The following PEBP4 variants were observed in gnomAD, a reference collection of about 807,000 sequenced individuals.
PEBP4 encodes the protein phosphatidylethanolamine-binding protein 4.
In PEBP4, 22 loss-of-function variants were observed where a neutral mutation model predicts 23.9. The ratio of observed to expected loss-of-function variants is 0.92; its 90% CI spans 0.66 to 1.31. The LOEUF is 1.31. Among genes scored for constraint, PEBP4 ranks in the 40% most tolerant of loss-of-function variants. The probability of loss-of-function intolerance (pLI) is 0.00; values close to 1 mark genes in which losing one functional copy is unlikely to be tolerated. For synonymous variants in PEBP4, 112 were observed against 99.3 expected (o/e 1.13, Z -0.76); for missense variants, 324 against 281.7 (o/e 1.15, Z -1.07).
At chr8:22,874,239 T>C (rs531939424) in intron 3 of PEBP4, among the ~76,000 whole-genome samples, 2 of 152,180 alleles carry the variant, frequency 1.3e-5, no homozygotes, top group South Asian at 4.1e-4. Context: ...CCTGTTTAAA[T>C]ACCTGGGAAA....
intron 4 of PEBP4, among the ~76,000 whole-genome samples, chr8:22,728,925 A>C (rs148682212): frequency 6.6e-6 from 1 of 151,190 alleles, no homozygotes; most frequent in African/African-American, 2.4e-5. Flanking sequence ...ACTTCCTTCT[A>C]CTCTCCCTGA....
At chr8:22,738,786 G>T (rs1489881466) in intron 4 of PEBP4, among the ~76,000 whole-genome samples, 1 of 152,094 alleles carries the variant, frequency 6.6e-6, no homozygotes, top group Non-Finnish European at 1.5e-5. Flanking sequence ...CACACATGCT[G>T]TCACACATGC....
chr8:22,760,485 T>C (rs868591803), intron 4 of PEBP4, among the ~76,000 whole-genome samples: 48 of 151,934 alleles, frequency 3.2e-4, no homozygotes, highest in African/African-American at 1.2e-3. Context: ...TGGATGCTTA[T>C]GGGATGAACA....
intron 4 of PEBP4, among the ~76,000 whole-genome samples, chr8:22,746,135 C>T (rs367653826): frequency 3.7e-5 from 5 of 134,230 alleles, no homozygotes; most frequent in African/African-American, 1.3e-4. Context: ...CTTTTTTTTT[C>T]CCCTGCAAGA....
At chr8:22,820,460 G>A (rs1051732409) in intron 3 of PEBP4, among the ~76,000 whole-genome samples, 5 of 152,156 alleles carry the variant, frequency 3.3e-5, no homozygotes, top group African/African-American at 9.7e-5. Flanking sequence ...ATGGAAAACC[G>A]TCCTGGCCCT....
intron 3 of PEBP4, among the ~76,000 whole-genome samples, chr8:22,905,634 A>G (rs564568550): frequency 7.2e-5 from 11 of 152,296 alleles, no homozygotes; most frequent in Non-Finnish European, 1.6e-4. Context: ...AGAGGCAAGG[A>G]CTGACCTTTA....
At chr8:22,900,423 C>A (rs1311980912) in intron 3 of PEBP4, among the ~76,000 whole-genome samples, 1 of 151,980 alleles carries the variant, frequency 6.6e-6, no homozygotes, top group Non-Finnish European at 1.5e-5. Flanking sequence ...CTGAGGTGGG[C>A]GGATCACTTG....
At chr8:22,890,328 C>G (rs779714666) in intron 3 of PEBP4, among the ~76,000 whole-genome samples, 1 of 152,162 alleles carries the variant, frequency 6.6e-6, no homozygotes, top group Non-Finnish European at 1.5e-5. Context: ...TACCAAGTGG[C>G]CAGGGAATGC....
intron 3 of PEBP4, among the ~76,000 whole-genome samples, chr8:22,912,752 G>A (rs1046169600): frequency 7.2e-5 from 11 of 152,318 alleles, no homozygotes; most frequent in Admixed American, 6.5e-4. Flanking sequence ...CAGTCCAGTT[G>A]CACCCAGAGG....
At chr8:22,930,246 C>A (rs1488931173), upstream of PEBP4, among the ~76,000 whole-genome samples, 1 of 152,206 alleles carries the variant, frequency 6.6e-6, no homozygotes, top group East Asian at 1.9e-4. Context: ...TAGGCACTGA[C>A]CCTGCTTCCC....
At chr8:22,715,670 GTTCCT>G (rs1432921725) in intron 6 of PEBP4, among the ~76,000 whole-genome samples, 2 of 152,200 alleles carry the variant, frequency 1.3e-5, no homozygotes, top group African/African-American at 4.8e-5. Flanking sequence ...GGCACTCGTG[GTTCCT>G]TTCCAGTCCC....
intron 4 of PEBP4, among the ~76,000 whole-genome samples, chr8:22,781,798 C>T (rs1234056973): frequency 6.6e-6 from 1 of 152,222 alleles, no homozygotes; most frequent in African/African-American, 2.4e-5. Context: ...TGGAGGTGCC[C>T]ATGTTGGACT....
chr8:22,910,362 T>C, intron 3 of PEBP4, among the ~76,000 whole-genome samples: 1 of 152,260 alleles, frequency 6.6e-6, no homozygotes, highest in Non-Finnish European at 1.5e-5. Flanking sequence ...GGCACGCATC[T>C]CCCTGCGTGG....
At chr8:22,778,366 T>C (rs1805855269) in intron 4 of PEBP4, among the ~76,000 whole-genome samples, 2 of 151,608 alleles carry the variant, frequency 1.3e-5, no homozygotes, top group African/African-American at 4.9e-5. Flanking sequence ...GAGGCAGTTA[T>C]GGGGAGACAG....
intron 4 of PEBP4, among the ~76,000 whole-genome samples, chr8:22,814,551 A>C (rs1008080816): frequency 1.3e-5 from 2 of 152,150 alleles, no homozygotes; most frequent in African/African-American, 4.8e-5. Context: ...CCTGTCAAAA[A>C]ATTGTCCCTA....
At chr8:22,885,404 C>G (rs1368649298) in intron 3 of PEBP4, 1 of 152,274 alleles carries the variant, frequency 6.6e-6, no homozygotes, top group African/African-American at 2.4e-5. Context: ...CAGCACCCGC[C>G]CTTTGCCTCC....
At chr8:22,758,648 C>T (rs1323145481) in intron 4 of PEBP4, among the ~76,000 whole-genome samples, 1 of 152,168 alleles carries the variant, frequency 6.6e-6, no homozygotes, top group Non-Finnish European at 1.5e-5. Flanking sequence ...ATGGTCTGCC[C>T]TATGATTCTA....
At chr8:22,870,024 C>A (rs1807977536) in intron 3 of PEBP4, among the ~76,000 whole-genome samples, 1 of 152,198 alleles carries the variant, frequency 6.6e-6, no homozygotes, top group Admixed American at 6.5e-5. Flanking sequence ...AAGCATACTC[C>A]TAGCATACAA....
intron 6 of PEBP4, among the ~76,000 whole-genome samples, chr8:22,714,713 C>T (rs1011467259): frequency 9.2e-5 from 14 of 152,100 alleles, no homozygotes; most frequent in Non-Finnish European, 1.5e-4. Context: ...TCTCAGAACC[C>T]CACTTGAGAC....
Sources: allele counts gnomAD v4.1 joint callset (sites outside exome capture counted in the v4.1 genomes callset), GRCh38; gene constraint gnomAD v4.1.1; transcripts MANE v1.5; gene names NCBI Gene and HGNC (gene_info 2026-07-23, HGNC 2026-07-21).